The following IL1RAPL1 variants were observed in gnomAD, a reference collection of about 807,000 sequenced individuals.
IL1RAPL1 encodes interleukin 1 receptor accessory protein like 1, also known as interleukin-1 receptor accessory protein-like 1.
IL1RAPL1 carries 3 observed loss-of-function variants against 48.4 expected under a neutral mutation model. The observed-to-expected ratio is 0.06, with a 90% CI of 0.03 to 0.16. IL1RAPL1 has a LOEUF of 0.16. Ranked by LOEUF, IL1RAPL1 falls within the 10% of genes least tolerant of loss-of-function variation. The probability of loss-of-function intolerance (pLI) is 1.00; values close to 1 mark genes in which losing one functional copy is unlikely to be tolerated. For missense variants in IL1RAPL1, 349 were observed against 530.6 expected (o/e 0.66, Z 3.36); for synonymous variants, 185 against 187.7 (o/e 0.99, Z 0.12).
At chrX:29,325,664 T>A (rs1932837803) in intron 3 of IL1RAPL1, among the ~76,000 whole-genome samples, 1 of 112,356 alleles carries the variant, frequency 8.9e-6, no homozygotes, top group Non-Finnish European at 1.9e-5. Flanking sequence ...TTGAAATCCT[T>A]ATCTGTGAGT....
intron 2 of IL1RAPL1, among the ~76,000 whole-genome samples, chrX:29,081,555 A>G (rs371933005): frequency 3.6e-5 from 4 of 111,618 alleles, no homozygotes; most frequent in African/African-American, 9.8e-5. Context: ...GAGTTAATCT[A>G]TATTGTCCAA....
chrX:29,437,226 G>T (rs1040306049), intron 5 of IL1RAPL1, among the ~76,000 whole-genome samples: 2 of 110,306 alleles, frequency 1.8e-5, no homozygotes, highest in Admixed American at 9.7e-5. Context: ...AATCATTTGG[G>T]TAAGTTTACA....
At chrX:28,735,689 T>A (rs887104061) in intron 1 of IL1RAPL1, among the ~76,000 whole-genome samples, 1 of 110,229 alleles carries the variant, frequency 9.1e-6, no homozygotes, top group Non-Finnish European at 1.9e-5. Context: ...GGAAGATTGC[T>A]TGAGCCCAAG....
At chrX:29,401,628 CAT>C (rs972337812) in intron 5 of IL1RAPL1, among the ~76,000 whole-genome samples, 1 of 105,083 alleles carries the variant, frequency 9.5e-6, no homozygotes, top group South Asian at 4.2e-4. Context: ...TTATGGAAAA[CAT>C]AATATTATTT....
chrX:29,416,155 C>T (rs1934212884), intron 5 of IL1RAPL1, among the ~76,000 whole-genome samples: 2 of 111,571 alleles, frequency 1.8e-5, no homozygotes, highest in South Asian at 7.5e-4. Flanking sequence ...ACAGTGAGAA[C>T]TTAGGTAGAA....
chrX:28,727,782 A>T (rs1159178410), intron 1 of IL1RAPL1, among the ~76,000 whole-genome samples: 1 of 111,074 alleles, frequency 9.0e-6, no homozygotes, highest in African/African-American at 3.3e-5. Flanking sequence ...TTCTGCATCT[A>T]TTGAGATAAT....
intron 6 of IL1RAPL1, among the ~76,000 whole-genome samples, chrX:29,779,362 T>C (rs926608006): frequency 1.8e-5 from 2 of 111,405 alleles, no homozygotes; most frequent in Non-Finnish European, 3.8e-5. Flanking sequence ...AACCAACGTT[T>C]ATTTATTCCC....
intron 5 of IL1RAPL1, among the ~76,000 whole-genome samples, chrX:29,544,175 A>G (rs1921532461): frequency 1.8e-5 from 2 of 111,739 alleles, no homozygotes; most frequent in African/African-American, 3.3e-5. Flanking sequence ...TTTAAAATCT[A>G]TCCCTGCCAA....
Position 29,870,064 on chromosome X carries a change from C to T in IL1RAPL1, c.779-47400C>T, listed in dbSNP as rs183010952. On this transcript the variant is annotated intron_variant, in intron 6 of 10. Coordinates refer to ENST00000378993, the MANE Select transcript of IL1RAPL1 (RefSeq NM_014271.4). ...AGGATCAATTCTGGAAAATGACTGG[C>T]GGAAGCTATTAGGCATATTGAATGG... Among the ~76,000 whole-genome samples, 302 of 111,403 alleles carry T rather than the reference C, an allele frequency of 2.7e-3. 1 individual carries two copies. The highest frequency in any genetic ancestry group is 0.014 in the Middle Eastern group (3 of 217).
intron 2 of IL1RAPL1, among the ~76,000 whole-genome samples, chrX:29,249,878 C>T (rs1229450543): frequency 9.0e-6 from 1 of 111,145 alleles, no homozygotes; most frequent in Non-Finnish European, 1.9e-5. Context: ...ATTGCCAAAA[C>T]AGTGAAATAA....
chrX:28,964,662 C>T (rs1212798273), intron 2 of IL1RAPL1, among the ~76,000 whole-genome samples: 1 of 111,717 alleles, frequency 9.0e-6, no homozygotes, highest in African/African-American at 3.2e-5. Context: ...AAATTTGCTT[C>T]TTTGCTCTTT....
At chrX:29,058,962 G>T (rs1035834661) in intron 2 of IL1RAPL1, among the ~76,000 whole-genome samples, 25 of 112,070 alleles carry the variant, frequency 2.2e-4, no homozygotes, top group Admixed American at 8.6e-4. Flanking sequence ...AAGAGAAATT[G>T]TGTCCATGAA....
chrX:29,926,646 G>A (rs182174922), intron 8 of IL1RAPL1, among the ~76,000 whole-genome samples: 12 of 111,840 alleles, frequency 1.1e-4, no homozygotes, highest in Non-Finnish European at 2.3e-4. Context: ...TCTCAATCTT[G>A]TCACTACTGA....
At position 29,105,541 on chromosome X, in the gene IL1RAPL1, A is replaced by G. The variant is rs147041339; in HGVS notation, c.83-177397A>G. Among the ~76,000 whole-genome samples, 136 of 112,139 alleles carry G rather than the reference A, an allele frequency of 1.2e-3. 3 individuals carry two copies. The East Asian group carries it at 0.03, about 24-fold the overall frequency. On this transcript the variant is annotated intron_variant, in intron 2 of 10. Transcript: ENST00000378993. Reference sequence around the variant, plus strand: ...CAGAAATTAAAATGTGCAAAGGATAAATACAAATCTTTCTCCTTTGCAATG... The same window carrying G: ...CAGAAATTAAAATGTGCAAAGGATAGATACAAATCTTTCTCCTTTGCAATG...
At chrX:29,532,137 A>G (rs1921063648) in intron 5 of IL1RAPL1, among the ~76,000 whole-genome samples, 1 of 111,506 alleles carries the variant, frequency 9.0e-6, no homozygotes, top group East Asian at 2.8e-4. Context: ...CCCCTTTCTT[A>G]GCTGAGGACC....
At chrX:29,896,702 C>G (rs114341791) in intron 6 of IL1RAPL1, among the ~76,000 whole-genome samples, 18,315 of 111,241 alleles carry the variant, frequency 0.16, 1,164 homozygotes, top group Middle Eastern at 0.21. Flanking sequence ...TGCCTCTGAC[C>G]ACGGCAGTAA....
chrX:29,624,885 T>A (rs1924572595), intron 5 of IL1RAPL1, among the ~76,000 whole-genome samples: 1 of 111,142 alleles, frequency 9.0e-6, no homozygotes, highest in Admixed American at 9.6e-5. Flanking sequence ...TTAATTGACA[T>A]CTATATTTAT....
chrX:29,250,722 A>G (rs1931590669), intron 2 of IL1RAPL1, among the ~76,000 whole-genome samples: 1 of 111,882 alleles, frequency 8.9e-6, no homozygotes, highest in South Asian at 3.8e-4. Context: ...ACTTCCATGT[A>G]AACTCCTGTT....
intron 1 of IL1RAPL1, among the ~76,000 whole-genome samples, chrX:28,739,755 C>A (rs1935885685): frequency 1.8e-5 from 2 of 110,941 alleles, no homozygotes; most frequent in Non-Finnish European, 3.8e-5. Context: ...ATCTTCTTTT[C>A]CCTGGCCATA....
Sources: allele counts gnomAD v4.1 joint callset (sites outside exome capture counted in the v4.1 genomes callset), GRCh38; gene constraint gnomAD v4.1.1; transcripts MANE v1.5; gene names NCBI Gene and HGNC (gene_info 2026-07-23, HGNC 2026-07-21).